The following KIAA1958 variants were observed in gnomAD, a reference collection of about 807,000 sequenced individuals.
The protein encoded by KIAA1958 is KIAA1958.
A neutral mutation model predicts 47.2 loss-of-function variants in KIAA1958; 14 were observed. That is an observed-to-expected ratio of 0.30 (90% CI 0.20 to 0.46). KIAA1958 has a LOEUF of 0.46. KIAA1958 is among the 20% of genes least tolerant of loss of function. KIAA1958 has a pLI of 1.00. For missense variants in KIAA1958, 803 were observed against 909.2 expected, an observed-to-expected ratio of 0.88 and a Z score of 1.50; for synonymous variants, 354 against 353.3, an observed-to-expected ratio of 1.00 and a Z score of -0.02.
intron 1 of KIAA1958, among the ~76,000 whole-genome samples, chr9:112,524,802 T>C (rs892229164): frequency 6.6e-6 from 1 of 152,258 alleles, no homozygotes; most frequent in Non-Finnish European, 1.5e-5. Context: ...AAGTCTTTAA[T>C]GACCCTAGTG....
At chr9:112,491,268 A>G (rs1833962993) in intron 1 of KIAA1958, among the ~76,000 whole-genome samples, 1 of 152,208 alleles carries the variant, frequency 6.6e-6, no homozygotes, top group African/African-American at 2.4e-5. Flanking sequence ...GTCCAGCCAT[A>G]ACTTTAAAAA....
At chr9:112,508,797 G>A (rs1023483440) in intron 1 of KIAA1958, among the ~76,000 whole-genome samples, 1 of 148,324 alleles carries the variant, frequency 6.7e-6, no homozygotes, top group Non-Finnish European at 1.5e-5. Flanking sequence ...AGCTGATTGT[G>A]TAATTTTTTT....
Position 112,665,198 on chromosome 9 carries a change from T to C in KIAA1958, c.*5129T>C, listed in dbSNP as rs751959756. 6.6e-6 allele frequency: 1 copy of C among 152,214 alleles called. No individual in the cohort carries two copies. The highest frequency in any genetic ancestry group is 1.9e-4 in the East Asian group (1 of 5,202). 9.4% of individuals were successfully genotyped at this position (152,214 alleles called of 1,614,324 possible). ...CCCCATTGAGGTGAGAATGGGCTCCTAGATACTTGGTGGTCAATAGAACTG... is the reference window on the plus strand; with the variant it reads ...CCCCATTGAGGTGAGAATGGGCTCCCAGATACTTGGTGGTCAATAGAACTG... On this transcript the variant is annotated 3_prime_UTR_variant, in exon 4 of 4. Coordinates refer to ENST00000337530, the MANE Select transcript of KIAA1958 (RefSeq NM_133465.4).
intron 1 of KIAA1958, among the ~76,000 whole-genome samples, chr9:112,538,813 T>TA (rs1410405761): frequency 6.6e-6 from 1 of 152,208 alleles, no homozygotes; most frequent in Non-Finnish European, 1.5e-5. Flanking sequence ...ATTGGGTGCT[T>TA]ACTGTGTGCC....
chr9:112,587,211 G>A (rs1208351905), intron 2 of KIAA1958, among the ~76,000 whole-genome samples: 4 of 151,996 alleles, frequency 2.6e-5, no homozygotes, highest in African/African-American at 9.7e-5. Context: ...GTGCAGTGGC[G>A]CGATCTCGAC....
At chr9:112,615,263 T>TA (rs1246568252) in intron 2 of KIAA1958, among the ~76,000 whole-genome samples, 13 of 151,444 alleles carry the variant, frequency 8.6e-5, no homozygotes, top group African/African-American at 3.2e-4. Context: ...TCTACAAAAA[T>TA]ACAAAAATTA....
At chr9:112,510,501 A>G (rs1834308456) in intron 1 of KIAA1958, among the ~76,000 whole-genome samples, 1 of 152,188 alleles carries the variant, frequency 6.6e-6, no homozygotes, top group Non-Finnish European at 1.5e-5. Context: ...CTGCCTTTGC[A>G]TCTTAAGAAA....
In KIAA1958 at chr9:112,577,121, T is replaced by C. The variant is rs142441591; in HGVS notation, c.1171+1870T>C. On this transcript the variant is annotated intron_variant, in intron 2 of 3. Transcript: ENST00000337530. ...ACTAATGGTACTGAGATTTTTTTCA[T>C]GTGCTTGTTAGCCATTTGTATATTT... 3.4e-3 allele frequency among the ~76,000 whole-genome samples: 515 copies of C among 152,328 alleles called. 7 individuals carry two copies. The highest frequency in any genetic ancestry group is 0.012 in the African/African-American group (485 of 41,580).
chr9:112,578,092 T>C lies in KIAA1958; in HGVS notation c.1171+2841T>C, dbSNP rs187688599. Among the ~76,000 whole-genome samples, 15 of 152,302 alleles carry C rather than the reference T, an allele frequency of 9.8e-5. 1 individual carries two copies. The highest frequency in any genetic ancestry group is 1.2e-4 in the Non-Finnish European group (8 of 67,980). Reference sequence around the variant, plus strand: ...TAAGATGTCATTAGCTTTAGAGATATACTGTTTGAACTGGAAACAGCAGTG... The same window carrying C: ...TAAGATGTCATTAGCTTTAGAGATACACTGTTTGAACTGGAAACAGCAGTG... On this transcript the variant is annotated intron_variant, in intron 2 of 3. Coordinates refer to ENST00000337530, the MANE Select transcript of KIAA1958 (RefSeq NM_133465.4).
chr9:112,566,521 C>G (rs1835429523), intron 1 of KIAA1958, among the ~76,000 whole-genome samples: 1 of 152,164 alleles, frequency 6.6e-6, no homozygotes. Context: ...ACTCTGGAGG[C>G]TAAGGCAGGA....
intron 2 of KIAA1958, among the ~76,000 whole-genome samples, chr9:112,575,500 G>A (rs1363840645): frequency 6.6e-6 from 1 of 151,826 alleles, no homozygotes; most frequent in Non-Finnish European, 1.5e-5. Context: ...TGATATTGCA[G>A]CGTTAGATTT....
At chr9:112,522,894 C>T (rs1834574019) in intron 1 of KIAA1958, among the ~76,000 whole-genome samples, 1 of 152,148 alleles carries the variant, frequency 6.6e-6, no homozygotes, top group Non-Finnish European at 1.5e-5. Context: ...TGACATCTAC[C>T]TCTTGGGTTA....
chr9:112,544,312 A>C (rs1227429801), intron 1 of KIAA1958, among the ~76,000 whole-genome samples: 1 of 152,228 alleles, frequency 6.6e-6, no homozygotes, highest in Non-Finnish European at 1.5e-5. Flanking sequence ...TTTACTCATG[A>C]AAAACTCAGA....
intron 2 of KIAA1958, among the ~76,000 whole-genome samples, chr9:112,642,360 G>A (rs575779081): frequency 3.3e-5 from 5 of 152,342 alleles, no homozygotes; most frequent in African/African-American, 1.2e-4. Context: ...AGATGGCAGC[G>A]TTCAGGGATT....
chr9:112,525,514 G>T (rs1403599880), intron 1 of KIAA1958, among the ~76,000 whole-genome samples: 1 of 152,148 alleles, frequency 6.6e-6, no homozygotes, highest in Non-Finnish European at 1.5e-5. Flanking sequence ...ACTGATTCTG[G>T]GGACCACCAG....
intron 1 of KIAA1958, among the ~76,000 whole-genome samples, chr9:112,515,338 G>T: frequency 6.8e-6 from 1 of 146,076 alleles, no homozygotes; most frequent in South Asian, 2.2e-4. Context: ...CCCCTACTGG[G>T]AAGTGAGGAG....
In KIAA1958 at chr9:112,486,877, A is replaced by G. The variant is rs1422483005; in HGVS notation, c.-266A>G. On this transcript the variant is annotated 5_prime_UTR_variant, in exon 1 of 4. Coordinates refer to ENST00000337530, the MANE Select transcript of KIAA1958 (RefSeq NM_133465.4). ...GCCGGGCGCGCGGAGCTCGGGGCGC[A>G]CGGAGCGGCGCGCGGCGGTCGGCCG... 8 of 133,612 alleles carry G rather than the reference A, an allele frequency of 6.0e-5. No individual in the cohort carries two copies. In the South Asian group the frequency reaches 1.2e-3, roughly 20 times the overall value. The allele number at this position is 133,612 out of a possible 1,614,324, so 8.3% of individuals were successfully genotyped here. A position where few individuals can be genotyped will look rare whatever the true frequency, so the allele number is the denominator to read the frequency against.
intron 1 of KIAA1958, among the ~76,000 whole-genome samples, chr9:112,511,100 C>G (rs973821278): frequency 6.6e-6 from 1 of 152,026 alleles, no homozygotes; most frequent in African/African-American, 2.4e-5. Context: ...GTTTCCTCAG[C>G]AAGAGGGAGG....
Position 112,487,006 on chromosome 9 carries a change from T to C in KIAA1958, c.-137T>C, listed in dbSNP as rs1167892413. The C allele has an allele frequency of 5.6e-6, 1 of 179,500 alleles. No individual in the cohort carries two copies. The highest frequency in any genetic ancestry group is 1.2e-5 in the Non-Finnish European group (1 of 86,836). 11.1% of individuals were successfully genotyped at this position (179,500 alleles called of 1,614,324 possible). On this transcript the variant is annotated 5_prime_UTR_variant, in exon 1 of 4. Coordinates refer to ENST00000337530, the MANE Select transcript of KIAA1958 (RefSeq NM_133465.4). ...TTGGTGCCCGGCCCTCTGGCCGCTC[T>C]CCTCCCGCCCTCGCGCCCCTTCGGC...
Sources: allele counts gnomAD v4.1 joint callset (sites outside exome capture counted in the v4.1 genomes callset), GRCh38; gene constraint gnomAD v4.1.1; transcripts MANE v1.5; gene names NCBI Gene and HGNC (gene_info 2026-07-23, HGNC 2026-07-21).